Variants in ARMH3 observed in about 807,000 individuals in gnomAD.
The protein encoded by ARMH3 is armadillo-like helical domain-containing protein 3.
ARMH3 carries 60 observed loss-of-function variants against 99.1 expected under a neutral mutation model. The ratio of observed to expected loss-of-function variants is 0.61; its 90% CI spans 0.49 to 0.75. The LOEUF (loss-of-function observed/expected upper bound fraction) is 0.75. Ranked by LOEUF, ARMH3 falls within the 30% of genes least tolerant of loss-of-function variation. ARMH3 has a pLI of 0.00. For synonymous variants in ARMH3, 285 were observed against 292.8 expected (o/e 0.97, Z 0.27); for missense variants, 679 against 843.1 (o/e 0.81, Z 2.41).
At chr10:101,919,911 G>C (rs550827589) in intron 23 of ARMH3, among the ~76,000 whole-genome samples, 2 of 152,226 alleles carry the variant, frequency 1.3e-5, no homozygotes, top group East Asian at 3.9e-4. Flanking sequence ...GAGTCCGCCT[G>C]GCATTTTTGT....
intron 24 of ARMH3, among the ~76,000 whole-genome samples, chr10:101,876,644 T>C (rs939488575): frequency 1.3e-5 from 2 of 152,182 alleles, no homozygotes; most frequent in African/African-American, 2.4e-5. Flanking sequence ...AGATACAAGT[T>C]TGCATAATGA....
intron 20 of ARMH3, among the ~76,000 whole-genome samples, chr10:101,966,256 C>T (rs1391434510): frequency 6.7e-6 from 1 of 148,168 alleles, no homozygotes; most frequent in Non-Finnish European, 1.5e-5. Flanking sequence ...CAGGCATGCA[C>T]CACCACACCT....
intron 22 of ARMH3, among the ~76,000 whole-genome samples, chr10:101,943,684 C>G (rs185830532): frequency 4.6e-5 from 7 of 151,906 alleles, no homozygotes; most frequent in Non-Finnish European, 7.4e-5. Flanking sequence ...AAAAAATATA[C>G]GAAGCATAAG....
chr10:101,919,404 G>C (rs1350774792), intron 23 of ARMH3, among the ~76,000 whole-genome samples: 1 of 151,972 alleles, frequency 6.6e-6, no homozygotes, highest in Non-Finnish European at 1.5e-5. Context: ...CTCCCTCTCT[G>C]CTTGGCTACA....
chr10:101,894,478 A>G (rs2067768811), intron 23 of ARMH3, among the ~76,000 whole-genome samples: 1 of 152,230 alleles, frequency 6.6e-6, no homozygotes, highest in South Asian at 2.1e-4. Flanking sequence ...TTCCCCAGGA[A>G]GTCTGACGGC....
chr10:101,936,001 G>A (rs1343693458), intron 23 of ARMH3, among the ~76,000 whole-genome samples: 1 of 152,090 alleles, frequency 6.6e-6, no homozygotes, highest in East Asian at 1.9e-4. Context: ...AAAGGCAAAG[G>A]AGCCTAAGGC....
intron 4 of ARMH3, among the ~76,000 whole-genome samples, chr10:102,032,729 T>C (rs80051370): frequency 6.6e-6 from 1 of 152,138 alleles, no homozygotes. Flanking sequence ...AGACTAATCA[T>C]TCTTGCCTCA....
chr10:101,942,443 A>C (rs1844283781), intron 22 of ARMH3, among the ~76,000 whole-genome samples: 1 of 152,208 alleles, frequency 6.6e-6, no homozygotes, highest in Non-Finnish European at 1.5e-5. Flanking sequence ...TGATTTTAAA[A>C]ACAAGAAAAG....
intron 1 of ARMH3, among the ~76,000 whole-genome samples, chr10:102,042,703 G>C (rs1426795618): frequency 3.3e-5 from 5 of 152,208 alleles, no homozygotes; most frequent in Non-Finnish European, 7.3e-5. Context: ...TAAGGTGGCA[G>C]ACTGGGAGAA....
intron 22 of ARMH3, among the ~76,000 whole-genome samples, chr10:101,953,628 A>G (rs1377640301): frequency 6.6e-6 from 1 of 151,732 alleles, no homozygotes; most frequent in Non-Finnish European, 1.5e-5. Flanking sequence ...AAGGACAGGA[A>G]AAGATGCTCA....
At chr10:101,912,485 T>A (rs1444951280) in intron 23 of ARMH3, among the ~76,000 whole-genome samples, 1 of 152,038 alleles carries the variant, frequency 6.6e-6, no homozygotes, top group African/African-American at 2.4e-5. Flanking sequence ...GAGAAAAATT[T>A]CATTAGATAC....
intron 24 of ARMH3, among the ~76,000 whole-genome samples, chr10:101,851,308 GGGAGAGGCACTA>G (rs2066595379): frequency 6.6e-6 from 1 of 152,120 alleles, no homozygotes; most frequent in Non-Finnish European, 1.5e-5. Flanking sequence ...GGACAATCAG[GGGAGAGGCACTA>G]CACATCAAAT....
chr10:101,975,592 G>A (rs1384025777), intron 19 of ARMH3, among the ~76,000 whole-genome samples: 5 of 152,092 alleles, frequency 3.3e-5, no homozygotes, highest in Non-Finnish European at 5.9e-5. Context: ...AAAGCCTGGC[G>A]TGGTGGTGCA....
chr10:102,042,860 G>A (rs1050154260), intron 1 of ARMH3, among the ~76,000 whole-genome samples: 5 of 152,212 alleles, frequency 3.3e-5, no homozygotes, highest in African/African-American at 7.2e-5. Context: ...ATCACCTGAG[G>A]TTGGGAGTTC....
At position 101,884,861 on chromosome 10, in the gene ARMH3, T is replaced by C. The variant is rs147545923; in HGVS notation, c.1860+4551A>G. ...GCTTATGCATAAAGGACACTAACAATAGAGTAAAAAGACAAACCACAGAAT... is the reference window on the plus strand; with the variant it reads ...GCTTATGCATAAAGGACACTAACAACAGAGTAAAAAGACAAACCACAGAAT... On this transcript the variant is annotated intron_variant, in intron 24 of 25. Coordinates refer to ENST00000370033, the MANE Select transcript of ARMH3 (RefSeq NM_024541.3). Among the ~76,000 whole-genome samples the C allele has an allele frequency of 2.0e-4, 30 of 151,584 alleles. No individual in the cohort carries two copies. In the South Asian group the frequency reaches 3.5e-3, roughly 18 times the overall value.
chr10:101,913,537 T>A (rs9651452), intron 23 of ARMH3, among the ~76,000 whole-genome samples: 1,539 of 151,844 alleles, frequency 0.01, 26 homozygotes, highest in African/African-American at 0.031. Flanking sequence ...GCTACTTTTT[T>A]AAATGTTTTT....
intron 19 of ARMH3, among the ~76,000 whole-genome samples, chr10:101,985,213 T>TGTATATATGTATATATATATAC (rs1324547458): frequency 5.5e-5 from 8 of 146,306 alleles, no homozygotes; most frequent in African/African-American, 2.1e-4. Flanking sequence ...TACGTATATA[T>TGTATATATGTATATATATATAC]GTATATATAT....
At position 101,923,751 on chromosome 10, in the gene ARMH3, C is replaced by T. The variant is rs148410963; in HGVS notation, c.1781+16112G>A. ...TTTCAAATTATCCAAATGGTGAATC[C>T]CTCTGTTGCGGTTTTGGGAGAGTAG... On this transcript the variant is annotated intron_variant, in intron 23 of 25. Coordinates refer to ENST00000370033, the MANE Select transcript of ARMH3 (RefSeq NM_024541.3). Among the ~76,000 whole-genome samples, 6 of 152,164 alleles carry T rather than the reference C, an allele frequency of 3.9e-5. No homozygotes were observed. In the East Asian group the frequency reaches 1.2e-3, roughly 29 times the overall value.
At chr10:102,015,466 C>G (rs1158627634) in intron 8 of ARMH3, among the ~76,000 whole-genome samples, 1 of 151,460 alleles carries the variant, frequency 6.6e-6, no homozygotes, top group African/African-American at 2.4e-5. Flanking sequence ...TCTCAGCTCA[C>G]CACAACCTCT....
Sources: gnomAD v4.1 joint callset for allele counts (sites outside exome capture counted in the v4.1 genomes callset) on GRCh38, gnomAD v4.1.1 for gene constraint, MANE v1.5 for transcripts, NCBI Gene and HGNC (gene_info 2026-07-23, HGNC 2026-07-21) for gene names.